The following NBPF8 variants were observed in gnomAD, a reference collection of about 807,000 sequenced individuals.
The protein encoded by NBPF8 is NBPF member 8, also known as NBPF family member NBPF8.
At chr1:120,466,366 G>T in exon 25 of NBPF8, 21 of 1,233,642 alleles carry the variant, frequency 1.7e-5, no homozygotes, top group Non-Finnish European at 2.3e-5. Flanking sequence ...CTCAGAGCAT[G>T]CCAGTGGCAA....
chr1:120,449,861 T>C (rs1661211383), intron 11 of NBPF8, among the ~76,000 whole-genome samples: 1 of 152,198 alleles, frequency 6.6e-6, no homozygotes, highest in South Asian at 2.1e-4. Context: ...TAGTAGCCAG[T>C]ACCTGCTCTG....
In NBPF8 at chr1:120,466,271, G is replaced by T; in HGVS notation, n.3862G>T. On this transcript the variant is annotated non_coding_transcript_exon_variant, in exon 25 of 25. Transcript: ENST00000583271. ...GTCATTCCTGCAGGCAGGACCTATA[G>T]GCGCCTGAAGATTTGAATGAAACTA... is the stretch of plus-strand genomic sequence containing the variant. 2.5e-6 allele frequency: 4 copies of T among 1,598,326 alleles called. No homozygotes were observed. In the South Asian group the frequency reaches 4.4e-5, roughly 18 times the overall value.
At chr1:120,456,521 G>T in intron 16 of NBPF8, among the ~76,000 whole-genome samples, 1 of 104,286 alleles carries the variant, frequency 9.6e-6, no homozygotes, top group African/African-American at 6.1e-5. Context: ...TTATGTAGTG[G>T]CCTTCTTGTC....
rs1317542047 is a variant in NBPF8, at chr1:120,423,226, T to C, written n.270-2521T>C. Among the ~76,000 whole-genome samples, 3 of 130,484 alleles carry C rather than the reference T, an allele frequency of 2.3e-5. 1 individual carries two copies. The highest frequency in any genetic ancestry group is 2.3e-4 in the South Asian group (1 of 4,426). The allele number at this position is 130,484 out of a possible 152,430, so 85.6% of individuals were successfully genotyped here. ...ACCCAGGATCCCTCAGATTTTCTCC[T>C]ATTTTATCTCTTAGGATTCTTATGG... On this transcript the variant is annotated intron_variant and non_coding_transcript_variant, in intron 1 of 28. Transcript: ENST00000652355.
intron 3 of NBPF8, among the ~76,000 whole-genome samples, chr1:120,428,896 G>A (rs1660793032): frequency 1.3e-5 from 2 of 151,616 alleles, no homozygotes; most frequent in Non-Finnish European, 2.9e-5. Flanking sequence ...CTTGACTCCT[G>A]GTTGAGTGCT....
chr1:120,445,899 A>T, exon 8 of NBPF8: 1 of 523,296 alleles, frequency 1.9e-6, no homozygotes, highest in Non-Finnish European at 3.3e-6. Flanking sequence ...ACAGGAAGGG[A>T]GAGATGCCTC....
At chr1:120,452,769 C>T (rs1292583952) in intron 13 of NBPF8, among the ~76,000 whole-genome samples, 3,323 of 151,970 alleles carry the variant, frequency 0.022, 49 homozygotes, top group East Asian at 0.083. Context: ...TTGCAAGGGT[C>T]GAAGCATTCA....
upstream of NBPF8, among the ~76,000 whole-genome samples, chr1:120,419,398 G>T (rs1297046082): frequency 1.3e-5 from 2 of 152,078 alleles, no homozygotes; most frequent in Non-Finnish European, 2.9e-5. Context: ...TTCCCTAACA[G>T]AAAGAATCGA....
chr1:120,435,931 A>G (rs1359521598), upstream of NBPF8, among the ~76,000 whole-genome samples: 3 of 151,690 alleles, frequency 2.0e-5, no homozygotes, highest in Non-Finnish European at 2.9e-5. Flanking sequence ...TTATGACTTC[A>G]TGACTACCAT....
At chr1:120,460,677 C>T (rs1345900195) in intron 18 of NBPF8, 53 bp downstream of exon 16, 11 of 856,626 alleles carry the variant, frequency 1.3e-5, no homozygotes, top group Non-Finnish European at 2.2e-5. Context: ...CTGGAGATGC[C>T]AAGTCCAGGG....
upstream of NBPF8, among the ~76,000 whole-genome samples, chr1:120,415,390 T>G (rs1447008032): frequency 7.5e-3 from 752 of 100,024 alleles, no homozygotes; most frequent in African/African-American, 9.0e-3. Context: ...CGAGGCGGGG[T>G]GGGGGGTTGG....
chr1:120,428,001 A>G (rs1330004187), intron 3 of NBPF8, among the ~76,000 whole-genome samples, 154 bp downstream of exon 3: 1 of 152,168 alleles, frequency 6.6e-6, no homozygotes, highest in East Asian at 1.9e-4. Context: ...TTGTTCAACA[A>G]TTTTCTAAAC....
chr1:120,468,391 G>A (rs1162179074), downstream of NBPF8, among the ~76,000 whole-genome samples: 6 of 148,596 alleles, frequency 4.0e-5, no homozygotes, highest in East Asian at 2.0e-4. Flanking sequence ...GCTGAGTTTA[G>A]CATGTTTAAT....
chr1:120,423,138 A>T (rs1289849609), intron 1 of NBPF8, among the ~76,000 whole-genome samples: 1 of 136,626 alleles, frequency 7.3e-6, no homozygotes, highest in African/African-American at 3.2e-5. Context: ...AATGAGGCTC[A>T]ACTTAATTTT....
downstream of NBPF8, among the ~76,000 whole-genome samples, chr1:120,469,294 ATTTG>A (rs1372543723): frequency 2.6e-4 from 38 of 143,512 alleles, no homozygotes; most frequent in Non-Finnish European, 4.5e-4. Flanking sequence ...CCAGGAAAGC[ATTTG>A]TTTCCCATTA....
upstream of NBPF8, among the ~76,000 whole-genome samples, chr1:120,418,725 T>A (rs1172403852): frequency 3.0e-5 from 3 of 101,262 alleles, no homozygotes; most frequent in African/African-American, 1.6e-4. Flanking sequence ...TAATTTTCTA[T>A]TTTTTGTAGA....
chr1:120,431,316 T>G, intron 3 of NBPF8, among the ~76,000 whole-genome samples: 1 of 99,742 alleles, frequency 1.0e-5, no homozygotes. Flanking sequence ...CATCTCCAAA[T>G]AGGGAATATA....
At chr1:120,454,647 G>T (rs1228323968) in intron 15 of NBPF8, among the ~76,000 whole-genome samples, 2 of 140,062 alleles carry the variant, frequency 1.4e-5, no homozygotes, top group Non-Finnish European at 3.0e-5. Flanking sequence ...GCTGGACCCT[G>T]GTTCTCCACC....
intron 21 of NBPF8, among the ~76,000 whole-genome samples, 160 bp downstream of exon 19, chr1:120,463,126 A>T (rs1661639060): frequency 6.6e-6 from 1 of 151,862 alleles, no homozygotes; most frequent in South Asian, 2.1e-4. Context: ...TCTCAGCTGG[A>T]AGCCTAGACA....
Sources: allele counts gnomAD v4.1 joint callset (sites outside exome capture counted in the v4.1 genomes callset), GRCh38; gene constraint gnomAD v4.1.1; transcripts MANE v1.5; gene names NCBI Gene and HGNC (gene_info 2026-07-23, HGNC 2026-07-21).